ACSS3: variants seen among roughly 807,000 people sequenced by gnomAD.
The protein encoded by ACSS3 is acyl-CoA synthetase short-chain family member 3, mitochondrial.
A neutral mutation model predicts 84.2 loss-of-function variants in ACSS3; 64 were observed. The ratio of observed to expected loss-of-function variants is 0.76; its 90% CI spans 0.62 to 0.94. ACSS3 has a LOEUF of 0.94. Ranked by LOEUF, ACSS3 falls within the 40% of genes least tolerant of loss-of-function variation. The probability of loss-of-function intolerance (pLI) is 0.00; values close to 1 mark genes in which losing one functional copy is unlikely to be tolerated. For missense variants in ACSS3, 815 were observed against 867.6 expected (o/e 0.94, Z 0.76); for synonymous variants, 317 against 310.1 (o/e 1.02, Z -0.23).
At chr12:81,223,128 C>G (rs568569604) in intron 11 of ACSS3, among the ~76,000 whole-genome samples, 2 of 152,150 alleles carry the variant, frequency 1.3e-5, no homozygotes, top group African/African-American at 4.8e-5. Flanking sequence ...TTCTTCCTAG[C>G]ACAGTGCTCA....
chr12:81,139,373 G>T (rs896140775), intron 4 of ACSS3, 108 bp downstream of exon 4: 2 of 1,215,792 alleles, frequency 1.6e-6, no homozygotes, highest in African/African-American at 1.5e-5. Flanking sequence ...TAAGTATACT[G>T]CTGAATGTTA....
Position 81,225,090 on chromosome 12 carries a change from C to G in ACSS3, c.1514+5014C>G, listed in dbSNP as rs73346712. ...TTATTATATGTAGGGTTCAGTACTA[C>G]CATGGTTTCTCAGGCACCCACTGAG... On this transcript the variant is annotated intron_variant, in intron 11 of 15. Coordinates refer to ENST00000548058, the MANE Select transcript of ACSS3 (RefSeq NM_024560.4). 7.5e-3 allele frequency among the ~76,000 whole-genome samples: 1,136 copies of G among 151,614 alleles called. 18 individuals carry two copies. The highest frequency in any genetic ancestry group is 0.026 in the African/African-American group (1,087 of 41,376).
At chr12:81,227,423 A>AC (rs56325395) in intron 11 of ACSS3, among the ~76,000 whole-genome samples, 37 of 150,504 alleles carry the variant, frequency 2.5e-4, no homozygotes, top group African/African-American at 8.9e-4. Flanking sequence ...ACACACACAC[A>AC]AGTGTTGATT....
intron 1 of ACSS3, chr12:81,094,581 A>G (rs1306425809): frequency 6.6e-6 from 1 of 152,156 alleles, no homozygotes; most frequent in Non-Finnish European, 1.5e-5. Flanking sequence ...CCTCTTTTTA[A>G]TAGGAGCTCA....
intron 9 of ACSS3, among the ~76,000 whole-genome samples, chr12:81,213,867 T>C (rs181647795): frequency 0.036 from 2,921 of 81,040 alleles, 237 homozygotes; most frequent in South Asian, 0.086. Context: ...TCTCTTCCTT[T>C]CTTTCTTTCT....
At chr12:81,254,206 A>T (rs932463994) in intron 15 of ACSS3, among the ~76,000 whole-genome samples, 7 of 152,132 alleles carry the variant, frequency 4.6e-5, no homozygotes, top group African/African-American at 1.2e-4. Context: ...CTGGGATTAC[A>T]CGCCTGAGCC....
At chr12:81,136,756 G>A (rs1216572852) in intron 3 of ACSS3, among the ~76,000 whole-genome samples, 1 of 152,146 alleles carries the variant, frequency 6.6e-6, no homozygotes. Context: ...AAAAGTTTTT[G>A]AACAGGCAAG....
At chr12:81,193,659 TCTA>T (rs758792358) in intron 8 of ACSS3, among the ~76,000 whole-genome samples, 10 of 152,002 alleles carry the variant, frequency 6.6e-5, no homozygotes, top group African/African-American at 9.7e-5. Flanking sequence ...TCAGAAATTA[TCTA>T]CACATTTAAT....
chr12:81,172,787 G>T (rs1412676460), intron 7 of ACSS3, among the ~76,000 whole-genome samples: 1 of 152,148 alleles, frequency 6.6e-6, no homozygotes, highest in Non-Finnish European at 1.5e-5. Context: ...TGTCCTCCTT[G>T]TAGGTGGTCT....
intron 3 of ACSS3, 65 bp downstream of exon 3, chr12:81,135,069 A>C: frequency 7.3e-7 from 1 of 1,361,090 alleles, no homozygotes. Context: ...TTATCTGTGG[A>C]TGAATCATCT....
intron 1 of ACSS3, among the ~76,000 whole-genome samples, chr12:81,097,332 A>G (rs1019056399): frequency 1.2e-4 from 18 of 152,228 alleles, no homozygotes; most frequent in African/African-American, 4.3e-4. Context: ...GAGAATACAC[A>G]TAAATCAGTT....
chr12:81,181,327 A>G (rs1593168544), intron 8 of ACSS3, among the ~76,000 whole-genome samples: 1 of 152,116 alleles, frequency 6.6e-6, no homozygotes, highest in African/African-American at 2.4e-5. Flanking sequence ...CACTGCACCC[A>G]CCTAGTACCA....
intron 9 of ACSS3, among the ~76,000 whole-genome samples, chr12:81,206,890 C>A (rs141078667): frequency 4.4e-4 from 67 of 152,168 alleles, no homozygotes; most frequent in African/African-American, 1.1e-3. Flanking sequence ...AAAGCAAACA[C>A]CCTCATTGAA....
intron 8 of ACSS3, among the ~76,000 whole-genome samples, chr12:81,181,378 C>T (rs780107546): frequency 7.2e-5 from 11 of 152,088 alleles, no homozygotes; most frequent in African/African-American, 2.4e-4. Context: ...TCCAGCCTGT[C>T]GTCAGGTGAA....
intron 1 of ACSS3, among the ~76,000 whole-genome samples, chr12:81,084,126 T>G (rs1224832868): frequency 6.6e-6 from 1 of 152,224 alleles, no homozygotes; most frequent in Non-Finnish European, 1.5e-5. Context: ...ATACTTTGCC[T>G]GTCCCAGCCA....
At chr12:81,129,136 G>T (rs1181406288) in intron 2 of ACSS3, among the ~76,000 whole-genome samples, 1 of 152,074 alleles carries the variant, frequency 6.6e-6, no homozygotes, top group Non-Finnish European at 1.5e-5. Flanking sequence ...GTGGTTACAC[G>T]GGACTGGTGC....
chr12:81,189,536 T>C (rs1357757904), intron 8 of ACSS3, among the ~76,000 whole-genome samples: 1 of 152,148 alleles, frequency 6.6e-6, no homozygotes, highest in African/African-American at 2.4e-5. Flanking sequence ...TCAAGTCTTT[T>C]GCAAATTTTA....
chr12:81,155,061 G>T (rs114551843), intron 7 of ACSS3, among the ~76,000 whole-genome samples: 1 of 152,126 alleles, frequency 6.6e-6, no homozygotes, highest in Admixed American at 6.5e-5. Context: ...ATACTGAAAT[G>T]ATACATTTAT....
At chr12:81,250,233 T>C (rs2034108904) in intron 13 of ACSS3, among the ~76,000 whole-genome samples, 1 of 152,220 alleles carries the variant, frequency 6.6e-6, no homozygotes, top group Non-Finnish European at 1.5e-5. Context: ...GATTCAGTTG[T>C]TGAAATCATC....
Sources: allele counts gnomAD v4.1 joint callset (sites outside exome capture counted in the v4.1 genomes callset), GRCh38; gene constraint gnomAD v4.1.1; transcripts MANE v1.5; gene names NCBI Gene and HGNC (gene_info 2026-07-23, HGNC 2026-07-21).